TAFA1: variants seen among roughly 807,000 people sequenced by gnomAD.
TAFA1 encodes TAFA chemokine like family member 1, also known as chemokine-like protein TAFA-1.
TAFA1 carries 4 observed loss-of-function variants against 18.5 expected under a neutral mutation model. The observed-to-expected ratio is 0.22, with a 90% CI of 0.11 to 0.49. The LOEUF (loss-of-function observed/expected upper bound fraction) is 0.49, where lower values mean the gene tolerates loss of function less well. TAFA1 is among the 20% of genes least tolerant of loss of function. The pLI is 0.98. For synonymous variants in TAFA1, 56 were observed against 55.2 expected (o/e 1.01, Z -0.06); for missense variants, 147 against 169.0 (o/e 0.87, Z 0.72).
chr3:68,046,701 G>T (rs138525991), intron 2 of TAFA1, among the ~76,000 whole-genome samples: 188 of 152,242 alleles, frequency 1.2e-3, no homozygotes, highest in African/African-American at 4.2e-3. Flanking sequence ...TAGGCCAACT[G>T]AACTTATAAG....
chr3:68,131,955 G>A (rs145285132), intron 2 of TAFA1, among the ~76,000 whole-genome samples: 102 of 151,582 alleles, frequency 6.7e-4, no homozygotes, highest in African/African-American at 2.2e-3. Flanking sequence ...AGGTATACAC[G>A]TGCCATGGTG....
At chr3:68,218,195 A>G (rs1027453691) in intron 2 of TAFA1, among the ~76,000 whole-genome samples, 1 of 152,096 alleles carries the variant, frequency 6.6e-6, no homozygotes, top group African/African-American at 2.4e-5. Context: ...AAAGGTCCCA[A>G]GATTTTCATT....
chr3:68,391,188 A>T (rs146635383), intron 2 of TAFA1, among the ~76,000 whole-genome samples: 2,109 of 152,256 alleles, frequency 0.014, 49 homozygotes, highest in South Asian at 0.048. Flanking sequence ...GAGCTGAAAA[A>T]CACAGCGTGA....
chr3:68,337,942 A>G (rs967998289), intron 2 of TAFA1, among the ~76,000 whole-genome samples: 3 of 152,214 alleles, frequency 2.0e-5, no homozygotes, highest in Non-Finnish European at 2.9e-5. Context: ...TTCACTGAAG[A>G]CCACATGGTT....
At chr3:68,506,756 C>T (rs1438851124) in intron 3 of TAFA1, among the ~76,000 whole-genome samples, 1 of 151,900 alleles carries the variant, frequency 6.6e-6, no homozygotes, top group Non-Finnish European at 1.5e-5. Flanking sequence ...CTAACAATGC[C>T]CATTTCAACA....
chr3:68,454,587 G>A (rs910710206), intron 3 of TAFA1, among the ~76,000 whole-genome samples: 2 of 152,148 alleles, frequency 1.3e-5, no homozygotes, highest in Non-Finnish European at 2.9e-5. Context: ...TGGACACTAT[G>A]TAAGGACCAG....
chr3:68,342,030 T>A (rs530536330), intron 2 of TAFA1, among the ~76,000 whole-genome samples: 159 of 152,296 alleles, frequency 1.0e-3, no homozygotes, highest in African/African-American at 3.7e-3. Context: ...CATCATCAAA[T>A]GGTTACCATC....
intron 2 of TAFA1, among the ~76,000 whole-genome samples, chr3:68,267,412 G>A (rs1421889471): frequency 6.6e-6 from 1 of 152,142 alleles, no homozygotes; most frequent in African/African-American, 2.4e-5. Flanking sequence ...AGAAGTTTTA[G>A]TAACTCATAT....
chr3:68,149,554 G>A (rs1866289), intron 2 of TAFA1, among the ~76,000 whole-genome samples: 83,423 of 151,906 alleles, frequency 0.55, 24,591 homozygotes, highest in South Asian at 0.7. Flanking sequence ...GGCAAGAGAG[G>A]AAGTAAGAGA....
chr3:68,530,740 G>A (rs2073176597), intron 3 of TAFA1, among the ~76,000 whole-genome samples: 1 of 152,074 alleles, frequency 6.6e-6, no homozygotes, highest in Non-Finnish European at 1.5e-5. Flanking sequence ...GCTGTAACTA[G>A]TGAAATCAAG....
intron 2 of TAFA1, among the ~76,000 whole-genome samples, chr3:68,376,351 C>T (rs1387303750): frequency 2.0e-5 from 3 of 151,690 alleles, no homozygotes. Context: ...ATTTCATCAT[C>T]CAGGTATTAA....
At chr3:68,118,812 T>C (rs1377274194) in intron 2 of TAFA1, among the ~76,000 whole-genome samples, 2 of 152,240 alleles carry the variant, frequency 1.3e-5, no homozygotes, top group African/African-American at 2.4e-5. Flanking sequence ...CTGTGCACTA[T>C]TGTGAATAAT....
chr3:68,290,975 C>A (rs2068093636), intron 2 of TAFA1, among the ~76,000 whole-genome samples: 1 of 151,910 alleles, frequency 6.6e-6, no homozygotes, highest in Non-Finnish European at 1.5e-5. Flanking sequence ...TTTCACTCTG[C>A]TAAGCTTTAT....
At chr3:68,001,189 G>A (rs555049004), upstream of TAFA1, among the ~76,000 whole-genome samples, 3 of 152,220 alleles carry the variant, frequency 2.0e-5, no homozygotes, top group Admixed American at 2.0e-4. Flanking sequence ...CCTAAAAGGA[G>A]AATAAAGAAT....
At chr3:68,300,375 A>G (rs531181677) in intron 2 of TAFA1, among the ~76,000 whole-genome samples, 2 of 152,324 alleles carry the variant, frequency 1.3e-5, no homozygotes, top group East Asian at 3.9e-4. Flanking sequence ...GATTTCTCAC[A>G]TTAGCCAAAT....
chr3:68,259,181 T>A (rs957091580), intron 2 of TAFA1, among the ~76,000 whole-genome samples: 2 of 152,196 alleles, frequency 1.3e-5, no homozygotes, highest in Non-Finnish European at 2.9e-5. Flanking sequence ...GCTAGGGTAT[T>A]TTTAATGACA....
chr3:68,105,489 G>A (rs1374094801), intron 2 of TAFA1, among the ~76,000 whole-genome samples: 1 of 152,076 alleles, frequency 6.6e-6, no homozygotes, highest in Non-Finnish European at 1.5e-5. Flanking sequence ...TCCTATGACT[G>A]CTCTTTAAGC....
Position 68,457,177 on chromosome 3 carries a change from A to G in TAFA1, c.259+39757A>G, listed in dbSNP as rs527667471. Among the ~76,000 whole-genome samples the G allele has an allele frequency of 3.3e-5, 5 of 152,338 alleles. No homozygotes were observed. In the South Asian group the frequency reaches 8.3e-4, roughly 25 times the overall value. On this transcript the variant is annotated intron_variant, in intron 3 of 4. Transcript: ENST00000478136. Reference sequence around the variant, plus strand: ...CTACAAAATTACATGGTAGTATACTATGTGCTACAGTTAATTTTATGCAGT... The same window carrying G: ...CTACAAAATTACATGGTAGTATACTGTGTGCTACAGTTAATTTTATGCAGT...
rs1357252652 is a variant in TAFA1 at position 68,545,244 on chromosome 3, T to TG, written c.*741_*742insG. ...GAAAATATTTTTAGAACTACTAGCT[T>TG]TTCCACTTAGAAGAAAATGAGGATT... On this transcript the variant is annotated 3_prime_UTR_variant, in exon 5 of 5. Transcript: ENST00000478136. 6.6e-6 allele frequency: 1 copy of TG among 152,564 alleles called. No homozygotes were observed. The highest frequency in any genetic ancestry group is 6.6e-5 in the Admixed American group (1 of 15,242). The allele number at this position is 152,564 out of a possible 1,614,324, so 9.5% of individuals were successfully genotyped here.
Sources: allele counts gnomAD v4.1 joint callset (sites outside exome capture counted in the v4.1 genomes callset), GRCh38; gene constraint gnomAD v4.1.1; transcripts MANE v1.5; gene names NCBI Gene and HGNC (gene_info 2026-07-23, HGNC 2026-07-21).